Variants in RANBP2 observed in about 807,000 individuals in gnomAD.
The protein encoded by RANBP2 is RAN binding protein 2, also known as E3 SUMO-protein ligase RanBP2.
RANBP2 carries 57 observed loss-of-function variants against 303.6 expected under a neutral mutation model. The ratio of observed to expected loss-of-function variants is 0.19; its 90% CI spans 0.15 to 0.23. The LOEUF is 0.23. Among genes scored for constraint, RANBP2 ranks in the 10% least tolerant of loss-of-function variants. The pLI, the probability that RANBP2 is intolerant of heterozygous loss-of-function variation, is 1.00. For synonymous variants in RANBP2, 1,167 were observed against 1,301.5 expected, an observed-to-expected ratio of 0.90 and a Z score of 2.23; for missense variants, 3,138 against 3,780.8, an observed-to-expected ratio of 0.83 and a Z score of 4.46.
the RANBP2 span, among the ~76,000 whole-genome samples, chr2:109,092,900 C>G: frequency 1.3e-5 from 2 of 152,102 alleles, no homozygotes; most frequent in African/African-American, 4.8e-5. Flanking sequence ...CAGGATAGAA[C>G]GTGGATTTAG....
At chr2:109,556,603 C>T in the RANBP2 span, among the ~76,000 whole-genome samples, 2 of 152,118 alleles carry the variant, frequency 1.3e-5, no homozygotes, top group African/African-American at 2.4e-5. Flanking sequence ...TCACATGTCT[C>T]ACACCCCAAG....
At chr2:108,824,650 A>G in the RANBP2 span, among the ~76,000 whole-genome samples, 1 of 152,244 alleles carries the variant, frequency 6.6e-6, no homozygotes, top group Non-Finnish European at 1.5e-5. Flanking sequence ...GATAAAAAGT[A>G]TAGTGTAGCA....
chr2:109,760,393 G>C, the RANBP2 span: 1 of 528,024 alleles, frequency 1.9e-6, no homozygotes, highest in African/African-American at 2.7e-5. Flanking sequence ...GGGGCCAGGC[G>C]GGGCGGGGGC....
chr2:109,291,920 G>A, the RANBP2 span, among the ~76,000 whole-genome samples: 88 of 152,352 alleles, frequency 5.8e-4, no homozygotes, highest in African/African-American at 2.0e-3. Flanking sequence ...CTGGAGTGCA[G>A]TGGCACAATC....
the RANBP2 span, among the ~76,000 whole-genome samples, chr2:109,629,860 C>T: frequency 3.0e-4 from 46 of 152,038 alleles, no homozygotes; most frequent in Middle Eastern, 3.4e-3. Context: ...TACACACATA[C>T]GTTATGTACC....
chr2:109,054,636 G>C, the RANBP2 span, among the ~76,000 whole-genome samples: 3 of 150,280 alleles, frequency 2.0e-5, no homozygotes. Flanking sequence ...GGAGGTGGAG[G>C]TTGCAGTGAG....
chr2:109,536,053 G>C, the RANBP2 span, among the ~76,000 whole-genome samples: 2 of 32,168 alleles, frequency 6.2e-5, no homozygotes, highest in African/African-American at 1.2e-4. Context: ...GGGTGGGGGT[G>C]GGGGGGGGGT....
At chr2:109,044,223 TA>T in the RANBP2 span, among the ~76,000 whole-genome samples, 1 of 152,192 alleles carries the variant, frequency 6.6e-6, no homozygotes, top group South Asian at 2.1e-4. Flanking sequence ...ATAGAAATTT[TA>T]AAAAATAAAA....
the RANBP2 span, chr2:109,732,876 C>T: frequency 1.7e-6 from 2 of 1,152,224 alleles, no homozygotes; most frequent in South Asian, 1.2e-5. Flanking sequence ...CGAGATGCAG[C>T]AGGTGTGGTC....
the RANBP2 span, among the ~76,000 whole-genome samples, chr2:109,629,930 TC>T: frequency 2.0e-5 from 3 of 152,062 alleles, no homozygotes; most frequent in Non-Finnish European, 4.4e-5. Context: ...CAGCAGTACC[TC>T]CCCCATGGAG....
At chr2:109,662,644 C>A in the RANBP2 span, among the ~76,000 whole-genome samples, 16 of 152,224 alleles carry the variant, frequency 1.1e-4, no homozygotes, top group East Asian at 2.7e-3. Context: ...CTCCTGACCT[C>A]AGGTGATCTG....
At chr2:109,081,828 T>A in the RANBP2 span, among the ~76,000 whole-genome samples, 1 of 152,188 alleles carries the variant, frequency 6.6e-6, no homozygotes, top group Admixed American at 6.5e-5. Context: ...CAGAAACACA[T>A]CCTTGCTATT....
chr2:108,782,495 A>G (rs1267524079), intron 27 of RANBP2, 33 bp from the exon 28 acceptor site: 8 of 1,613,302 alleles, frequency 5.0e-6, no homozygotes, highest in Non-Finnish European at 6.8e-6. Flanking sequence ...TTTTAATACT[A>G]AGGTCACTGC....
intron 7 of RANBP2, among the ~76,000 whole-genome samples, chr2:108,744,249 C>A (rs369593460): frequency 2.0e-5 from 3 of 152,022 alleles, no homozygotes; most frequent in Non-Finnish European, 4.4e-5. Flanking sequence ...ACTAAAAATA[C>A]AAAAATTAGC....
chr2:109,542,202 AAG>A, the RANBP2 span, among the ~76,000 whole-genome samples: 1 of 152,160 alleles, frequency 6.6e-6, no homozygotes, highest in African/African-American at 2.4e-5. Flanking sequence ...TTAGCTTTGT[AAG>A]AAGAAGTCAT....
At chr2:109,226,054 C>T in the RANBP2 span, among the ~76,000 whole-genome samples, 2 of 152,190 alleles carry the variant, frequency 1.3e-5, no homozygotes, top group Admixed American at 6.5e-5. Context: ...TGACCCTGAA[C>T]AACTTATCTG....
the RANBP2 span, among the ~76,000 whole-genome samples, chr2:108,918,596 C>T: frequency 6.6e-6 from 1 of 152,156 alleles, no homozygotes; most frequent in African/African-American, 2.4e-5. Context: ...TGAGCGGGGA[C>T]TGGTTCTGCC....
the RANBP2 span, among the ~76,000 whole-genome samples, chr2:109,530,697 T>C: frequency 6.6e-6 from 1 of 152,220 alleles, no homozygotes; most frequent in South Asian, 2.1e-4. Context: ...AACCATCTAA[T>C]ATCTTACACA....
the RANBP2 span, among the ~76,000 whole-genome samples, chr2:108,862,964 A>G: frequency 6.6e-6 from 1 of 152,260 alleles, no homozygotes; most frequent in South Asian, 2.1e-4. Flanking sequence ...AATAATAAAG[A>G]TAACAAAGAA....
Sources: allele counts gnomAD v4.1 joint callset (sites outside exome capture counted in the v4.1 genomes callset), GRCh38; gene constraint gnomAD v4.1.1; transcripts MANE v1.5; gene names NCBI Gene and HGNC (gene_info 2026-07-23, HGNC 2026-07-21).